The following FREM1 variants were observed in gnomAD, a reference collection of about 807,000 sequenced individuals.
FREM1 encodes FRAS1 related extracellular matrix 1, also known as FRAS1-related extracellular matrix protein 1.
A neutral mutation model predicts 210.1 loss-of-function variants in FREM1; 220 were observed. The ratio of observed to expected loss-of-function variants is 1.05; its 90% CI spans 0.94 to 1.17. The LOEUF (loss-of-function observed/expected upper bound fraction) is 1.17. Ranked by LOEUF, FREM1 falls within the 50% of genes most tolerant of loss-of-function variation. The pLI is 0.00. For missense variants in FREM1, 3,454 were observed against 2,675.5 expected (o/e 1.29, Z -6.42); for synonymous variants, 1,189 against 980.2 (o/e 1.21, Z -3.98).
chr9:14,762,284 C>A (rs1476278883), intron 27 of FREM1, among the ~76,000 whole-genome samples: 1 of 152,146 alleles, frequency 6.6e-6, no homozygotes, highest in African/African-American at 2.4e-5. Flanking sequence ...GAAACAAATA[C>A]ATTTGCATGG....
At chr9:14,784,674 A>G in intron 23 of FREM1, 40 bp from the exon 24 acceptor site, 1 of 1,427,008 alleles carries the variant, frequency 7.0e-7, no homozygotes, top group Non-Finnish European at 9.3e-7. Context: ...ATCATATCAA[A>G]AAACACATTA....
Position 14,756,399 on chromosome 9 carries a change from T to A in FREM1, c.5382A>T (p.Pro1794=), listed in dbSNP as rs753755234. The A allele has an allele frequency of 1.2e-6, 2 of 1,602,196 alleles. No individual in the cohort carries two copies. Among genetic ancestry groups the A allele is most frequent in the Admixed American group, 3.4e-5 (2 of 58,922 alleles). ...AAVGKDFTVI[P]SKLIQFDPGM... is the part of the protein sequence containing the mutation. Reference sequence around the variant, plus strand: ...CTGGGTCAAACTGAATCAGTTTAGATGGAATCACGGTGAAATCTTTTCCAA... The same window carrying A: ...CTGGGTCAAACTGAATCAGTTTAGAAGGAATCACGGTGAAATCTTTTCCAA... Residue 1794 remains proline (P), a synonymous_variant, in exon 29 of 37, where the codon CCA becomes CCT. Coordinates refer to ENST00000380880, the MANE Select transcript of FREM1 (RefSeq NM_001379081.2).
chr9:14,757,455 T>A (rs932823893), intron 28 of FREM1, among the ~76,000 whole-genome samples: 3 of 152,084 alleles, frequency 2.0e-5, no homozygotes, highest in African/African-American at 7.2e-5. Flanking sequence ...CTGGGGAGGC[T>A]GAGGCAGGAG....
chr9:14,901,724 C>G (rs564390859), intron 1 of FREM1, among the ~76,000 whole-genome samples: 1 of 152,276 alleles, frequency 6.6e-6, no homozygotes, highest in Non-Finnish European at 1.5e-5. Flanking sequence ...TTTTTGAACA[C>G]TTTAGTGTCT....
At chr9:14,823,896 G>T (rs1821834719) in intron 12 of FREM1, 129 bp downstream of exon 12, 1 of 477,086 alleles carries the variant, frequency 2.1e-6, no homozygotes, top group African/African-American at 2.0e-5. Context: ...CATACAAGTA[G>T]CAAGTATAAA....
At chr9:14,894,023 T>C (rs935841529) in intron 1 of FREM1, among the ~76,000 whole-genome samples, 3 of 152,208 alleles carry the variant, frequency 2.0e-5, no homozygotes, top group Non-Finnish European at 2.9e-5. Flanking sequence ...TCTTACCTTA[T>C]GGTTCAAACT....
chr9:14,894,639 C>G (rs1187112157), intron 1 of FREM1, among the ~76,000 whole-genome samples: 7 of 152,054 alleles, frequency 4.6e-5, no homozygotes, highest in Non-Finnish European at 8.8e-5. Flanking sequence ...GGTGCTAATC[C>G]TTTGTTTTGT....
intron 17 of FREM1, among the ~76,000 whole-genome samples, chr9:14,807,660 A>T (rs1192545609): frequency 8.0e-6 from 1 of 124,440 alleles, no homozygotes; most frequent in Admixed American, 9.5e-5. Context: ...TCCTTGTCCC[A>T]ACACACACAC....
rs776327484 is a variant in FREM1 at position 14,806,814 on chromosome 9, T to G, written c.3121A>C (p.Thr1041Pro). 10 of 1,605,796 alleles carry G rather than the reference T, an allele frequency of 6.2e-6. No homozygotes were observed. Among genetic ancestry groups the G allele is most frequent in the Middle Eastern group, 1.6e-4 (1 of 6,082 alleles). ...PVFVVDEGCS[T>P]ALTVNHLSAT... ...GACAAATGGTTAACAGTAAGGGCTG[T>G]TGAGCAGCCCTCATCTACAACAAAC... The change falls in exon 18 of 37, where the codon ACA becomes CCA. Residue 1041 changes from threonine (T) to proline (P), a missense_variant. Physicochemically the swap from Thr to Pro is conservative, Grantham distance 38. Coordinates refer to ENST00000380880, the MANE Select transcript of FREM1 (RefSeq NM_001379081.2).
chr9:14,872,426 A>G (rs1417132253), intron 1 of FREM1, among the ~76,000 whole-genome samples: 1 of 152,174 alleles, frequency 6.6e-6, no homozygotes, highest in Non-Finnish European at 1.5e-5. Context: ...TCCTCTTTGA[A>G]GCAACTGTGA....
At chr9:14,780,346 C>T (rs148672904) in intron 24 of FREM1, among the ~76,000 whole-genome samples, 82 of 149,936 alleles carry the variant, frequency 5.5e-4, no homozygotes, top group African/African-American at 1.7e-3. Context: ...TTCTGCATTG[C>T]CTGGCAATAG....
At chr9:14,846,481 A>T (rs1203250380) in intron 7 of FREM1, among the ~76,000 whole-genome samples, 4 of 152,176 alleles carry the variant, frequency 2.6e-5, no homozygotes, top group Non-Finnish European at 5.9e-5. Flanking sequence ...TACCTATGTA[A>T]CAAACCTACA....
At chr9:14,906,854 G>A (rs1358650619) in intron 1 of FREM1, among the ~76,000 whole-genome samples, 1 of 152,188 alleles carries the variant, frequency 6.6e-6, no homozygotes, top group East Asian at 1.9e-4. Context: ...AGGACTTGAG[G>A]CTCAGTCGCT....
intron 27 of FREM1, among the ~76,000 whole-genome samples, chr9:14,761,893 T>C (rs1426184813): frequency 6.6e-6 from 1 of 152,236 alleles, no homozygotes; most frequent in Non-Finnish European, 1.5e-5. Flanking sequence ...AGAGTAGTGA[T>C]GCTGGCATCC....
At chr9:14,825,547 G>GTGTGTGTATATAGATATATATATA in intron 10 of FREM1, among the ~76,000 whole-genome samples, 1 of 75,932 alleles carries the variant, frequency 1.3e-5, no homozygotes. Flanking sequence ...GTGTGTGTGT[G>GTGTGTGTATATAGATATATATATA]TATATATATA....
intron 24 of FREM1, among the ~76,000 whole-genome samples, chr9:14,780,759 C>T (rs955692545): frequency 2.2e-4 from 33 of 152,274 alleles, no homozygotes; most frequent in Non-Finnish European, 1.3e-4. Context: ...AAATTCCTTG[C>T]CAAATTTAAC....
chr9:14,743,426 T>C (rs1293558673), intron 35 of FREM1, among the ~76,000 whole-genome samples: 3 of 152,082 alleles, frequency 2.0e-5, no homozygotes, highest in African/African-American at 7.2e-5. Flanking sequence ...TATTATTTCA[T>C]AAAAAGTAGT....
chr9:14,868,618 T>A lies in FREM1; in HGVS notation c.234+126A>T, dbSNP rs118159297. 7.3e-3 allele frequency: 4,820 copies of A among 657,204 alleles called. 23 individuals are homozygous for A. Among genetic ancestry groups the A allele is most frequent in the Non-Finnish European group, 0.011 (4,071 of 367,684 alleles). The allele number at this position is 657,204 out of a possible 1,614,324, so 40.7% of individuals were successfully genotyped here. A position where few individuals can be genotyped will look rare whatever the true frequency, so the allele number is the denominator to read the frequency against. Reference sequence around the variant, plus strand: ...AAGTCCACCATTTCAAATGTGAACATCTTCTAATACTCGTCTTTGATGGCT... The same window carrying A: ...AAGTCCACCATTTCAAATGTGAACAACTTCTAATACTCGTCTTTGATGGCT... On this transcript the variant is annotated intron_variant, in intron 2 of 36. Coordinates refer to ENST00000380880, the MANE Select transcript of FREM1 (RefSeq NM_001379081.2).
rs770721165 is a variant in FREM1, at chr9:14,784,394, A to T, written c.4418T>A (p.Val1473Glu). 11 of 1,613,666 alleles carry T rather than the reference A, an allele frequency of 6.8e-6. No homozygotes were observed. The South Asian group carries it at 1.2e-4, about 18-fold the overall frequency. ...CCTGAATCTGTCACTGGAGACAGTC[A>T]CCTTGCTCTTGTGTACATAGCAAAC... ...QTVCYVHKSK[V>E]TVSSDRFRFI... The change falls in exon 24 of 37, where the codon GTG (valine) becomes GAG (glutamate). Residue 1473 changes from valine to glutamate, a missense_variant. By Grantham distance (121) the Val-to-Glu change is moderately radical. Coordinates refer to ENST00000380880, the MANE Select transcript of FREM1 (RefSeq NM_001379081.2).
Sources: allele counts gnomAD v4.1 joint callset (sites outside exome capture counted in the v4.1 genomes callset), GRCh38; gene constraint gnomAD v4.1.1; transcripts MANE v1.5; gene names NCBI Gene and HGNC (gene_info 2026-07-23, HGNC 2026-07-21).